Variants in DRAM2 observed in about 807,000 individuals in gnomAD.
DRAM2 encodes DNA damage-regulated autophagy modulator protein 2.
In DRAM2, 26 loss-of-function variants were observed where a neutral mutation model predicts 33.5. That is an observed-to-expected ratio of 0.78 (90% CI 0.57 to 1.08). The LOEUF (loss-of-function observed/expected upper bound fraction) is 1.08, where lower values mean the gene tolerates loss of function less well. Among genes scored for constraint, DRAM2 ranks in the 50% least tolerant of loss-of-function variants. DRAM2 has a pLI of 0.00. For synonymous variants in DRAM2, 98 were observed against 109.5 expected, an observed-to-expected ratio of 0.89 and a Z score of 0.66; for missense variants, 311 against 318.1, an observed-to-expected ratio of 0.98 and a Z score of 0.17.
intron 2 of DRAM2, among the ~76,000 whole-genome samples, chr1:111,138,233 G>A (rs1037574508): frequency 6.6e-6 from 1 of 152,174 alleles, no homozygotes; most frequent in African/African-American, 2.4e-5. Context: ...AGTCCCAGTT[G>A]TTTAAACTGA....
At chr1:111,125,212 T>G (rs566028585) in intron 5 of DRAM2, among the ~76,000 whole-genome samples, 1 of 152,282 alleles carries the variant, frequency 6.6e-6, no homozygotes, top group Middle Eastern at 3.4e-3. Flanking sequence ...AAGGTTGTAT[T>G]ATGGAACTAC....
Position 111,124,758 on chromosome 1 carries a change from A to G in DRAM2, c.323T>C (p.Ile108Thr), listed in dbSNP as rs538416494. ...AACACAAACCTGGAAGTTTGCCACA[A>G]TAGAAAGTCCTAAACAACTCAGTAT... ...LGILSCLGLS[I>T]VANFQKTTLF... Residue 108 changes from isoleucine (I) to threonine (T), a missense_variant, in exon 6 of 10, where the codon ATT (isoleucine) becomes ACT (threonine). Coordinates refer to ENST00000484310, the MANE Select transcript of DRAM2 (RefSeq NM_001349884.2). 5.0e-6 allele frequency: 8 copies of G among 1,613,462 alleles called. No homozygotes were observed. The highest frequency in any genetic ancestry group is 4.4e-5 in the South Asian group (4 of 91,058).
intron 3 of DRAM2, among the ~76,000 whole-genome samples, chr1:111,131,907 A>T (rs995077780): frequency 5.9e-5 from 9 of 152,204 alleles, no homozygotes; most frequent in African/African-American, 2.2e-4. Context: ...TCTCTTGGTC[A>T]ATTATAACTT....
intron 4 of DRAM2, among the ~76,000 whole-genome samples, chr1:111,130,045 G>C (rs1314324897): frequency 7.0e-6 from 1 of 142,972 alleles, no homozygotes; most frequent in African/African-American, 2.5e-5. Flanking sequence ...TTTAAAAAAA[G>C]AGGGTTATTA....
At chr1:111,134,307 T>C (rs1401931937) in intron 3 of DRAM2, among the ~76,000 whole-genome samples, 1 of 152,024 alleles carries the variant, frequency 6.6e-6, no homozygotes, top group Admixed American at 6.5e-5. Flanking sequence ...TCATATTTTT[T>C]TGATGACCTA....
Position 111,118,314 on chromosome 1 carries a change from G to C in DRAM2, c.694-47C>G, listed in dbSNP as rs755959919. The stretch of plus-strand genomic sequence containing the variant: ...TATATAGAAGTTTGCTCCTTAAAGA[G>C]AGATCACTCCTTCAATATGTTCTAT... On this transcript the variant is annotated intron_variant, in intron 9 of 9. Coordinates refer to ENST00000484310, the MANE Select transcript of DRAM2 (RefSeq NM_001349884.2). 6 of 1,311,172 alleles carry C rather than the reference G, an allele frequency of 4.6e-6. No homozygotes were observed. The South Asian group carries it at 6.2e-5, about 14-fold the overall frequency. The allele number at this position is 1,311,172 out of a possible 1,614,324, so 81.2% of individuals were successfully genotyped here.
chr1:111,125,643 T>A (rs573314437), intron 5 of DRAM2: 1 of 152,390 alleles, frequency 6.6e-6, no homozygotes, highest in Non-Finnish European at 1.5e-5. Context: ...CTGATTTCTA[T>A]TTTTGACCTA....
Position 111,119,967 on chromosome 1 carries a change from A to G in DRAM2, c.518-8T>C, listed in dbSNP as rs1221502554. ...CTGATGAGCAAGTCAGCACTATAAA[A>G]ACATAAGTCAAGGAAGAATCTCAGA... is the stretch of plus-strand genomic sequence containing the variant. On this transcript the variant is annotated splice_region_variant and splice_polypyrimidine_tract_variant and intron_variant, in intron 7 of 9. Transcript: ENST00000484310. 2 of 1,610,526 alleles carry G rather than the reference A, an allele frequency of 1.2e-6. No homozygotes were observed. The highest frequency in any genetic ancestry group is 1.7e-6 in the Non-Finnish European group (2 of 1,177,366).
At chr1:111,135,243 T>C (rs990189562) in intron 3 of DRAM2, among the ~76,000 whole-genome samples, 2 of 152,312 alleles carry the variant, frequency 1.3e-5, no homozygotes, top group East Asian at 1.9e-4. Flanking sequence ...ACAGGTACCA[T>C]TTACCTCAAC....
intron 5 of DRAM2, among the ~76,000 whole-genome samples, chr1:111,125,140 T>C (rs529621853): frequency 2.0e-5 from 3 of 152,182 alleles, no homozygotes; most frequent in South Asian, 2.1e-4. Context: ...GCCTCCCAGA[T>C]AGCTGGGACT....
chr1:111,120,748 A>C (rs1452652780), intron 6 of DRAM2, 55 bp from the exon 7 acceptor site: 9 of 1,408,270 alleles, frequency 6.4e-6, no homozygotes, highest in Non-Finnish European at 8.4e-6. Context: ...ACACATTGGC[A>C]ACACAACATT....
intron 4 of DRAM2, among the ~76,000 whole-genome samples, chr1:111,128,344 C>T (rs1190879662): frequency 6.6e-6 from 1 of 151,962 alleles, no homozygotes; most frequent in East Asian, 1.9e-4. Flanking sequence ...AGAAAGACCT[C>T]AGGGTAATAC....
chr1:111,129,347 T>C (rs529917695), intron 4 of DRAM2, among the ~76,000 whole-genome samples: 3 of 152,206 alleles, frequency 2.0e-5, no homozygotes, highest in Admixed American at 6.5e-5. Flanking sequence ...AGAGGCTGAA[T>C]ACTTTCAGGG....
rs538618562 is a variant in DRAM2, at chr1:111,135,399, A to G, written c.-15+2124T>C. Among the ~76,000 whole-genome samples, 13 of 152,216 alleles carry G rather than the reference A, an allele frequency of 8.5e-5. No individual in the cohort carries two copies. In the South Asian group the frequency reaches 2.7e-3, roughly 32 times the overall value. ...TTCTGCTATCAGCCAAATGCCCCCA[A>G]AGGAAACACACTGCTAGTATACTAC... On this transcript the variant is annotated intron_variant, in intron 3 of 9. Transcript: ENST00000484310.
In DRAM2 at chr1:111,131,319, A is replaced by G. The variant is rs1652026307; in HGVS notation, c.131+105T>C. On this transcript the variant is annotated intron_variant, in intron 4 of 9. Coordinates refer to ENST00000484310, the MANE Select transcript of DRAM2 (RefSeq NM_001349884.2). ...TATTCCCTTTATTGTTGTAATGCCAATGTAAAATCTGATTTTTAAAAGGTT... is the reference window on the plus strand; with the variant it reads ...TATTCCCTTTATTGTTGTAATGCCAGTGTAAAATCTGATTTTTAAAAGGTT... The G allele has an allele frequency of 5.6e-6, 7 of 1,251,584 alleles. No homozygotes were observed. In the East Asian group the frequency reaches 1.4e-4, roughly 25 times the overall value. The allele number at this position is 1,251,584 out of a possible 1,614,324, so 77.5% of individuals were successfully genotyped here.
intron 5 of DRAM2, 125 bp from the exon 6 acceptor site, chr1:111,125,006 G>C: frequency 4.9e-6 from 4 of 810,204 alleles, no homozygotes; most frequent in East Asian, 3.1e-5. Context: ...ATTAATCAGA[G>C]AGAATAAAAA....
chr1:111,130,019 G>A (rs913828031), intron 4 of DRAM2, among the ~76,000 whole-genome samples: 3 of 151,668 alleles, frequency 2.0e-5, no homozygotes, highest in South Asian at 2.1e-4. Context: ...TAATAATTAC[G>A]TTTTGCTATT....
chr1:111,119,842 A>T, intron 8 of DRAM2, 35 bp downstream of exon 8: 1 of 1,507,616 alleles, frequency 6.6e-7, no homozygotes, highest in Non-Finnish European at 9.2e-7. Flanking sequence ...ACCATCTTTA[A>T]TATAAAACTA....
chr1:111,134,493 C>A (rs964021696), intron 3 of DRAM2, among the ~76,000 whole-genome samples: 3 of 152,298 alleles, frequency 2.0e-5, no homozygotes, highest in African/African-American at 7.2e-5. Context: ...CTTTTCTCTT[C>A]CTTTTTCCTT....
Sources: gnomAD v4.1 joint callset for allele counts (sites outside exome capture counted in the v4.1 genomes callset) on GRCh38, gnomAD v4.1.1 for gene constraint, MANE v1.5 for transcripts, NCBI Gene and HGNC (gene_info 2026-07-23, HGNC 2026-07-21) for gene names.